The following APBB2 variants were observed in gnomAD, a reference collection of about 807,000 sequenced individuals.
APBB2 encodes the protein Fe65-like 1.
A neutral mutation model predicts 82.5 loss-of-function variants in APBB2; 38 were observed. The ratio of observed to expected loss-of-function variants is 0.46; its 90% CI spans 0.36 to 0.60. The LOEUF is 0.60. Among genes scored for constraint, APBB2 ranks in the 20% least tolerant of loss-of-function variants. The pLI is 0.00. For missense variants in APBB2, 772 were observed against 972.3 expected, an observed-to-expected ratio of 0.79 and a Z score of 2.74; for synonymous variants, 341 against 368.2, an observed-to-expected ratio of 0.93 and a Z score of 0.85.
At position 40,841,669 on chromosome 4, in the gene APBB2, ATTATTTAT is replaced by A. The variant is rs556036924; in HGVS notation, c.1530-11100_1530-11093del. Among the ~76,000 whole-genome samples the A allele has an allele frequency of 5.2e-4, 79 of 151,878 alleles. 1 individual carries two copies. Among genetic ancestry groups the A allele is most frequent in the Non-Finnish European group, 7.5e-4 (51 of 67,964 alleles). Reference sequence around the variant, plus strand: ...GAGAATATGTAATATAAGCACTAATATTATTTATTTATTTATTTATTTATTTAGAGACA... The same window carrying A: ...GAGAATATGTAATATAAGCACTAATATTATTTATTTATTTATTTAGAGACA... On this transcript the variant is annotated intron_variant, in intron 12 of 17. Transcript: ENST00000508593.
chr4:41,055,627 CCT>C (rs998747456), intron 4 of APBB2, among the ~76,000 whole-genome samples: 4 of 152,196 alleles, frequency 2.6e-5, no homozygotes, highest in Non-Finnish European at 5.9e-5. Flanking sequence ...TTGTCACACC[CCT>C]CTGACTCCTC....
intron 17 of APBB2, 23 bp downstream of exon 17, chr4:40,821,848 C>A (rs201006057): frequency 1.1e-5 from 17 of 1,608,000 alleles, no homozygotes; most frequent in Non-Finnish European, 1.4e-5. Flanking sequence ...GAGGGCTCAA[C>A]AGCCTGTACC....
chr4:40,871,223 C>T (rs1221534212), intron 12 of APBB2, among the ~76,000 whole-genome samples: 1 of 152,196 alleles, frequency 6.6e-6, no homozygotes, highest in East Asian at 1.9e-4. Context: ...CTCACTGCAA[C>T]CTCCACCTCC....
chr4:41,085,933 A>G (rs907529842), intron 3 of APBB2, among the ~76,000 whole-genome samples: 4 of 152,180 alleles, frequency 2.6e-5, no homozygotes, highest in Non-Finnish European at 5.9e-5. Context: ...AAGACTGACA[A>G]AATTGACATT....
intron 6 of APBB2, among the ~76,000 whole-genome samples, chr4:40,976,398 A>G (rs542744239): frequency 6.6e-6 from 1 of 152,344 alleles, no homozygotes; most frequent in African/African-American, 2.4e-5. Flanking sequence ...ACTCACTATG[A>G]GAATTAGCTA....
At chr4:40,994,898 TAAAG>T (rs1183713356) in intron 6 of APBB2, among the ~76,000 whole-genome samples, 3 of 144,202 alleles carry the variant, frequency 2.1e-5, no homozygotes, top group African/African-American at 5.1e-5. Flanking sequence ...GGGAAAGAAA[TAAAG>T]AAGGAAAATA....
chr4:41,091,085 A>G (rs1741525387), intron 3 of APBB2, among the ~76,000 whole-genome samples: 1 of 152,092 alleles, frequency 6.6e-6, no homozygotes, highest in Non-Finnish European at 1.5e-5. Context: ...CACTCTCCCT[A>G]GATACCATCT....
chr4:40,968,959 G>C (rs995731689), intron 6 of APBB2, among the ~76,000 whole-genome samples: 3 of 152,116 alleles, frequency 2.0e-5, no homozygotes, highest in African/African-American at 7.2e-5. Context: ...GTCTCACAAG[G>C]TCTGGTGGTT....
chr4:41,011,321 C>T (rs1808301742), intron 6 of APBB2, among the ~76,000 whole-genome samples: 1 of 152,120 alleles, frequency 6.6e-6, no homozygotes, highest in East Asian at 1.9e-4. Flanking sequence ...GCTGGGACTA[C>T]AGGCACGCAC....
intron 12 of APBB2, among the ~76,000 whole-genome samples, chr4:40,883,528 A>G (rs1260723303): frequency 1.3e-5 from 2 of 152,170 alleles, no homozygotes; most frequent in African/African-American, 4.8e-5. Context: ...TGGAGGTTGC[A>G]GTGAGCCGAG....
At chr4:41,174,285 C>T (rs1191115676) in intron 1 of APBB2, among the ~76,000 whole-genome samples, 2 of 152,180 alleles carry the variant, frequency 1.3e-5, no homozygotes, top group Non-Finnish European at 2.9e-5. Flanking sequence ...TGCACACACA[C>T]ATATCTGATA....
intron 12 of APBB2, among the ~76,000 whole-genome samples, chr4:40,833,397 C>T (rs569887877): frequency 7.2e-5 from 11 of 152,330 alleles, no homozygotes; most frequent in African/African-American, 2.6e-4. Context: ...GGTGTCTTCC[C>T]TCACGTGGTG....
intron 5 of APBB2, among the ~76,000 whole-genome samples, chr4:41,025,203 C>A (rs908851759): frequency 2.0e-5 from 3 of 151,952 alleles, no homozygotes; most frequent in African/African-American, 7.3e-5. Flanking sequence ...AAAAACAAAC[C>A]CATTAAAAAG....
chr4:41,017,650 A>T (rs1810380014), intron 5 of APBB2, among the ~76,000 whole-genome samples: 1 of 152,124 alleles, frequency 6.6e-6, no homozygotes, highest in Non-Finnish European at 1.5e-5. Context: ...AGTTTATAAC[A>T]ATAAATGTGA....
chr4:40,938,904 T>TA (rs1291824862), intron 7 of APBB2, among the ~76,000 whole-genome samples: 1 of 152,186 alleles, frequency 6.6e-6, no homozygotes, highest in African/African-American at 2.4e-5. Context: ...AGGTGGGGCC[T>TA]TTAAGAGGCG....
chr4:41,209,325 T>A (rs190706612), intron 1 of APBB2, among the ~76,000 whole-genome samples: 2 of 152,176 alleles, frequency 1.3e-5, no homozygotes, highest in East Asian at 3.9e-4. Context: ...CTCTGCCCCA[T>A]CGCAGCTTGC....
intron 5 of APBB2, among the ~76,000 whole-genome samples, chr4:41,019,988 G>A (rs566934082): frequency 3.3e-5 from 5 of 151,950 alleles, no homozygotes; most frequent in East Asian, 1.9e-4. Context: ...ACAGAGAGAG[G>A]AAGAGACAGA....
At chr4:40,988,123 A>C (rs1800909080) in intron 6 of APBB2, among the ~76,000 whole-genome samples, 1 of 152,232 alleles carries the variant, frequency 6.6e-6, no homozygotes. Flanking sequence ...TGACTAAGTG[A>C]CTATGCCCCA....
At chr4:40,872,069 T>C (rs1468112072) in intron 12 of APBB2, among the ~76,000 whole-genome samples, 1 of 152,262 alleles carries the variant, frequency 6.6e-6, no homozygotes, top group Non-Finnish European at 1.5e-5. Flanking sequence ...CAGTTACGCA[T>C]CTTGCTTTGC....
Sources: gnomAD v4.1 joint callset for allele counts (sites outside exome capture counted in the v4.1 genomes callset) on GRCh38, gnomAD v4.1.1 for gene constraint, MANE v1.5 for transcripts, NCBI Gene and HGNC (gene_info 2026-07-23, HGNC 2026-07-21) for gene names.